Variants in GALNTL6 observed in about 807,000 individuals in gnomAD.
The protein encoded by GALNTL6 is polypeptide N-acetylgalactosaminyltransferase-like 6.
GALNTL6 carries 46 observed loss-of-function variants against 73.7 expected under a neutral mutation model. The ratio of observed to expected loss-of-function variants is 0.62; its 90% CI spans 0.49 to 0.80. The LOEUF is 0.80. Ranked by LOEUF, GALNTL6 falls within the 30% of genes least tolerant of loss-of-function variation. The pLI, the probability that GALNTL6 is intolerant of heterozygous loss-of-function variation, is 0.00. For synonymous variants in GALNTL6, 259 were observed against 263.7 expected, an observed-to-expected ratio of 0.98 and a Z score of 0.17; for missense variants, 604 against 755.0, an observed-to-expected ratio of 0.80 and a Z score of 2.34.
chr4:172,419,574 C>T (rs1033334335), intron 5 of GALNTL6, among the ~76,000 whole-genome samples: 6 of 152,094 alleles, frequency 3.9e-5, no homozygotes, highest in Non-Finnish European at 8.8e-5. Flanking sequence ...TAAGCTACTG[C>T]CCATAAACGT....
chr4:172,007,352 C>T (rs943852536), intron 2 of GALNTL6, among the ~76,000 whole-genome samples: 16 of 151,852 alleles, frequency 1.1e-4, no homozygotes, highest in Non-Finnish European at 1.0e-4. Flanking sequence ...TGAACTATAG[C>T]TGACATATGG....
At chr4:171,911,526 G>T (rs991183483) in intron 2 of GALNTL6, among the ~76,000 whole-genome samples, 4 of 152,114 alleles carry the variant, frequency 2.6e-5, no homozygotes, top group Non-Finnish European at 5.9e-5. Context: ...TGCAACCCCT[G>T]TAGGAAAACT....
intron 5 of GALNTL6, among the ~76,000 whole-genome samples, chr4:172,498,833 G>GA (rs930425334): frequency 3.3e-5 from 5 of 151,874 alleles, no homozygotes; most frequent in African/African-American, 9.7e-5. Flanking sequence ...AGCTCTTTAT[G>GA]AAAAAAAATT....
intron 8 of GALNTL6, among the ~76,000 whole-genome samples, chr4:172,914,882 C>T (rs1747416772): frequency 6.6e-6 from 1 of 152,190 alleles, no homozygotes; most frequent in Admixed American, 6.5e-5. Flanking sequence ...TTGAACACAG[C>T]TCTGCACCAA....
chr4:171,916,930 C>T (rs989659599), intron 2 of GALNTL6, among the ~76,000 whole-genome samples: 4 of 151,978 alleles, frequency 2.6e-5, no homozygotes, highest in African/African-American at 4.8e-5. Flanking sequence ...CACCTTTCTG[C>T]ACCACCCACG....
chr4:171,847,803 C>A (rs757573419), intron 2 of GALNTL6, among the ~76,000 whole-genome samples: 9 of 152,146 alleles, frequency 5.9e-5, no homozygotes, highest in African/African-American at 1.2e-4. Context: ...AATTCTAGTT[C>A]TCTTACTATT....
chr4:172,416,065 C>A (rs1400808329), intron 5 of GALNTL6, among the ~76,000 whole-genome samples: 2 of 152,154 alleles, frequency 1.3e-5, no homozygotes, highest in East Asian at 3.9e-4. Context: ...CCACATTCAC[C>A]CAGATCAATT....
chr4:172,825,053 T>A (rs1209014817), intron 7 of GALNTL6, among the ~76,000 whole-genome samples: 1 of 68,380 alleles, frequency 1.5e-5, no homozygotes, highest in Non-Finnish European at 4.2e-5. Flanking sequence ...ACAATTCTTT[T>A]TTCTTTTTTT....
intron 2 of GALNTL6, among the ~76,000 whole-genome samples, chr4:171,980,953 T>C (rs1414856576): frequency 2.6e-5 from 4 of 152,228 alleles, no homozygotes; most frequent in African/African-American, 9.6e-5. Flanking sequence ...TGTAACTTTT[T>C]GGAAAAATGA....
At chr4:173,025,112 T>C (rs187769045) in intron 12 of GALNTL6, among the ~76,000 whole-genome samples, 1 of 152,294 alleles carries the variant, frequency 6.6e-6, no homozygotes. Context: ...CCGCTTTTAG[T>C]TATTTTTAGA....
intron 5 of GALNTL6, among the ~76,000 whole-genome samples, chr4:172,717,983 T>C (rs1735213530): frequency 6.6e-6 from 1 of 152,218 alleles, no homozygotes; most frequent in Admixed American, 6.5e-5. Context: ...TGTAAAAGCT[T>C]TTAAATTTAT....
At chr4:172,990,355 C>T (rs1052256510) in intron 10 of GALNTL6, among the ~76,000 whole-genome samples, 17 of 152,040 alleles carry the variant, frequency 1.1e-4, no homozygotes, top group African/African-American at 3.9e-4. Flanking sequence ...ATACTTTCTT[C>T]AATTGTTAAA....
At position 172,330,152 on chromosome 4, in the gene GALNTL6, G is replaced by C. The variant is rs149919985; in HGVS notation, c.387-18371G>C. 8.1e-4 allele frequency among the ~76,000 whole-genome samples: 123 copies of C among 152,322 alleles called. 2 individuals are homozygous for C. In the South Asian group the frequency reaches 0.016, roughly 20 times the overall value. On this transcript the variant is annotated intron_variant, in intron 4 of 12. Transcript: ENST00000506823. Reference sequence around the variant, plus strand: ...CTTTTCTAGGGGTGTGTATGGGAGTGTAAACTCCTGTTTTGCTGGAGTTGC... The same window carrying C: ...CTTTTCTAGGGGTGTGTATGGGAGTCTAAACTCCTGTTTTGCTGGAGTTGC...
At chr4:172,915,264 T>C (rs1387745744) in intron 8 of GALNTL6, among the ~76,000 whole-genome samples, 1 of 152,130 alleles carries the variant, frequency 6.6e-6, no homozygotes, top group African/African-American at 2.4e-5. Flanking sequence ...AGAGGGAAAT[T>C]TGTAACACTA....
At chr4:172,523,704 A>C (rs1734859175) in intron 5 of GALNTL6, among the ~76,000 whole-genome samples, 1 of 152,052 alleles carries the variant, frequency 6.6e-6, no homozygotes, top group East Asian at 1.9e-4. Context: ...ATTGATTTTT[A>C]AAAACTCTGT....
At chr4:173,035,660 A>G (rs906760055) in intron 12 of GALNTL6, among the ~76,000 whole-genome samples, 1 of 152,222 alleles carries the variant, frequency 6.6e-6, no homozygotes, top group Non-Finnish European at 1.5e-5. Context: ...ACCTAAACAC[A>G]TAGATCAGAT....
intron 2 of GALNTL6, among the ~76,000 whole-genome samples, chr4:171,865,690 A>G (rs1735951630): frequency 6.6e-6 from 1 of 152,348 alleles, no homozygotes; most frequent in African/African-American, 2.4e-5. Flanking sequence ...TCTCTTAAAC[A>G]TTAGATGCCA....
chr4:172,433,029 A>G (rs977917785), intron 5 of GALNTL6, among the ~76,000 whole-genome samples: 9 of 152,214 alleles, frequency 5.9e-5, no homozygotes, highest in Non-Finnish European at 1.3e-4. Context: ...AAAAATAATT[A>G]CAAAAGAGCA....
At chr4:172,901,533 A>G (rs1033922233) in intron 8 of GALNTL6, among the ~76,000 whole-genome samples, 1 of 152,194 alleles carries the variant, frequency 6.6e-6, no homozygotes, top group Non-Finnish European at 1.5e-5. Flanking sequence ...AGGCCATAAT[A>G]TAGAAATTAA....
Sources: gnomAD v4.1 joint callset for allele counts (sites outside exome capture counted in the v4.1 genomes callset) on GRCh38, gnomAD v4.1.1 for gene constraint, MANE v1.5 for transcripts, NCBI Gene and HGNC (gene_info 2026-07-23, HGNC 2026-07-21) for gene names.